GRID2: variants seen among roughly 807,000 people sequenced by gnomAD.
GRID2 encodes glutamate receptor ionotropic, delta-2.
Under a neutral mutation model 114.8 loss-of-function variants are expected in GRID2, and 33 were observed. That is an observed-to-expected ratio of 0.29 (90% CI 0.22 to 0.38). GRID2 has a LOEUF of 0.38. Among genes scored for constraint, GRID2 ranks in the 10% least tolerant of loss-of-function variants. The probability of loss-of-function intolerance (pLI) is 1.00; values close to 1 mark genes in which losing one functional copy is unlikely to be tolerated. For missense variants in GRID2, 1,184 were observed against 1,257.7 expected (o/e 0.94, Z 0.89); for synonymous variants, 505 against 449.9 (o/e 1.12, Z -1.55).
chr4:92,705,629 C>A (rs1358000464), intron 2 of GRID2, among the ~76,000 whole-genome samples: 1 of 152,216 alleles, frequency 6.6e-6, no homozygotes, highest in African/African-American at 2.4e-5. Context: ...CCTACCTACA[C>A]TCTGGTTGCT....
In GRID2 at chr4:92,361,289, A is replaced by G. The variant is rs544631510; in HGVS notation, c.88+56545A>G. 5.3e-5 allele frequency among the ~76,000 whole-genome samples: 8 copies of G among 152,116 alleles called. No homozygotes were observed. In the East Asian group the frequency reaches 1.6e-3, roughly 29 times the overall value. On this transcript the variant is annotated intron_variant, in intron 1 of 15. Transcript: ENST00000282020. ...AAGTCATTCTACATGTTCCTACTAA[A>G]CTCTAAATGGACAAAGCAATTCTGA... is the stretch of plus-strand genomic sequence containing the variant.
intron 14 of GRID2, among the ~76,000 whole-genome samples, chr4:93,728,050 C>G (rs1481002309): frequency 6.6e-6 from 1 of 152,028 alleles, no homozygotes; most frequent in African/African-American, 2.4e-5. Flanking sequence ...TTTTCTCTTG[C>G]TTTTCTAGTT....
intron 1 of GRID2, among the ~76,000 whole-genome samples, chr4:92,442,079 A>G (rs1733123884): frequency 6.6e-6 from 1 of 150,888 alleles, no homozygotes; most frequent in Admixed American, 6.6e-5. Flanking sequence ...AGGCAAGGGA[A>G]ACAGGCCCTT....
chr4:93,471,459 G>C (rs944268225), intron 11 of GRID2, among the ~76,000 whole-genome samples: 3 of 151,964 alleles, frequency 2.0e-5, no homozygotes, highest in African/African-American at 7.3e-5. Context: ...ATAGGTCTGA[G>C]GGGTCTGAAG....
rs141254507 is a variant in GRID2 at position 92,957,204 on chromosome 4, T to C, written c.245-127791T>C. Reference sequence around the variant, plus strand: ...TCTTTCATGAATCATGCCTTTGTTGTAGTATCTGAAACGTTACCATCAAAC... The same window carrying C: ...TCTTTCATGAATCATGCCTTTGTTGCAGTATCTGAAACGTTACCATCAAAC... On this transcript the variant is annotated intron_variant, in intron 2 of 15. Transcript: ENST00000282020. Among the ~76,000 whole-genome samples the C allele has an allele frequency of 5.2e-3, 797 of 152,284 alleles. 7 individuals carry two copies. Among genetic ancestry groups the C allele is most frequent in the African/African-American group, 0.018 (762 of 41,570 alleles).
intron 13 of GRID2, among the ~76,000 whole-genome samples, chr4:93,600,977 C>T (rs942166217): frequency 6.6e-6 from 1 of 152,100 alleles, no homozygotes; most frequent in Admixed American, 6.6e-5. Flanking sequence ...ACAAATCTGT[C>T]ATGGTGAGAG....
intron 12 of GRID2, among the ~76,000 whole-genome samples, chr4:93,493,039 TC>T (rs1241233299): frequency 1.3e-5 from 2 of 151,976 alleles, no homozygotes; most frequent in East Asian, 3.9e-4. Context: ...TAGTGTAATA[TC>T]CTCCAAGTTC....
chr4:92,783,891 TA>T (rs143895838), intron 2 of GRID2, among the ~76,000 whole-genome samples: 2 of 150,794 alleles, frequency 1.3e-5, no homozygotes, highest in Admixed American at 1.3e-4. Flanking sequence ...TCTCTCTAAT[TA>T]AAAAAAAAGT....
intron 12 of GRID2, among the ~76,000 whole-genome samples, chr4:93,498,731 T>C (rs1361039887): frequency 6.6e-6 from 1 of 151,818 alleles, no homozygotes; most frequent in African/African-American, 2.4e-5. Flanking sequence ...GTCAGGTGGT[T>C]GTATCATTTT....
intron 8 of GRID2, among the ~76,000 whole-genome samples, chr4:93,374,637 A>G (rs28404006): frequency 0.43 from 65,611 of 151,976 alleles, 15,233 homozygotes; most frequent in East Asian, 0.7. Context: ...CTCTCCTCCA[A>G]ATGCATCCCT....
chr4:93,326,816 C>A (rs1216579171), intron 8 of GRID2, among the ~76,000 whole-genome samples: 2 of 152,106 alleles, frequency 1.3e-5, no homozygotes, highest in Non-Finnish European at 2.9e-5. Flanking sequence ...CTTTTCCTAT[C>A]CAATACAGAT....
At chr4:92,868,016 T>TTTTCTTTCTTTCTTTC (rs57222462) in intron 2 of GRID2, among the ~76,000 whole-genome samples, 13 of 132,890 alleles carry the variant, frequency 9.8e-5, no homozygotes, top group Non-Finnish European at 1.4e-4. Flanking sequence ...TACTGAAAGG[T>TTTTCTTTCTTTCTTTC]TTTCTTTCTT....
intron 13 of GRID2, among the ~76,000 whole-genome samples, chr4:93,619,475 A>C (rs1451970148): frequency 6.6e-6 from 1 of 152,200 alleles, no homozygotes; most frequent in Non-Finnish European, 1.5e-5. Context: ...TCCCCCACTG[A>C]CCATTAGTTA....
chr4:92,537,818 T>TGC (rs1170426631), intron 1 of GRID2, among the ~76,000 whole-genome samples: 1 of 151,050 alleles, frequency 6.6e-6, no homozygotes, highest in Non-Finnish European at 1.5e-5. Flanking sequence ...TGTGTGTGTG[T>TGC]GTGTGTGTGT....
intron 2 of GRID2, among the ~76,000 whole-genome samples, chr4:92,596,008 A>G (rs1212632050): frequency 6.6e-6 from 1 of 152,116 alleles, no homozygotes; most frequent in Non-Finnish European, 1.5e-5. Flanking sequence ...GTGATTAAAA[A>G]ATCTGCTAAT....
chr4:93,591,800 G>C lies in GRID2; in HGVS notation c.2194-34469G>C, dbSNP rs377658543. 2.6e-5 allele frequency among the ~76,000 whole-genome samples: 4 copies of C among 152,082 alleles called. No individual in the cohort carries two copies. The South Asian group carries it at 6.2e-4, about 24-fold the overall frequency. ...TTAGTCTTGGGAGAGTGTATGTGTC[G>C]AGGAATTTATCCATTTCTTCTAGAT... is the stretch of plus-strand genomic sequence containing the variant. On this transcript the variant is annotated intron_variant, in intron 13 of 15. Transcript: ENST00000282020.
chr4:92,653,319 A>T (rs1732063855), intron 2 of GRID2, among the ~76,000 whole-genome samples: 1 of 144,946 alleles, frequency 6.9e-6, no homozygotes, highest in African/African-American at 2.5e-5. Context: ...ACACACACAC[A>T]CATGTGTCTG....
At position 93,684,849 on chromosome 4, in the gene GRID2, C is replaced by T. The variant is rs557029396; in HGVS notation, c.2360+58414C>T. On this transcript the variant is annotated intron_variant, in intron 14 of 15. Coordinates refer to ENST00000282020, the MANE Select transcript of GRID2 (RefSeq NM_001510.4). ...ACACAAATGGGGCTCTGTGAAGACT[C>T]GGGACCATGACTAAAGTTTGGTCAA... Among the ~76,000 whole-genome samples the T allele has an allele frequency of 3.8e-4, 57 of 151,994 alleles. 1 individual carries two copies. The highest frequency in any genetic ancestry group is 5.8e-4 in the African/African-American group (24 of 41,478).
At chr4:92,384,474 ATATATT>A (rs1351175089) in intron 1 of GRID2, among the ~76,000 whole-genome samples, 15 of 61,504 alleles carry the variant, frequency 2.4e-4, no homozygotes, top group African/African-American at 7.8e-4. Flanking sequence ...ATATATATAT[ATATATT>A]ATTTATATAT....
Sources: allele counts gnomAD v4.1 joint callset (sites outside exome capture counted in the v4.1 genomes callset), GRCh38; gene constraint gnomAD v4.1.1; transcripts MANE v1.5; gene names NCBI Gene and HGNC (gene_info 2026-07-23, HGNC 2026-07-21).